The following RASSF8 variants were observed in gnomAD, a reference collection of about 807,000 sequenced individuals.
RASSF8 encodes the protein ras association domain-containing protein 8.
Under a neutral mutation model 48.5 loss-of-function variants are expected in RASSF8, and 22 were observed. That is an observed-to-expected ratio of 0.45 (90% CI 0.32 to 0.65). The LOEUF is 0.65. Among genes scored for constraint, RASSF8 ranks in the 30% least tolerant of loss-of-function variants. The pLI, the probability that RASSF8 is intolerant of heterozygous loss-of-function variation, is 0.03. For synonymous variants in RASSF8, 127 were observed against 171.5 expected (o/e 0.74, Z 2.03); for missense variants, 418 against 489.2 (o/e 0.85, Z 1.37).
chr12:26,017,368 A>G lies in RASSF8; in HGVS notation c.-109+22238A>G, dbSNP rs573404721. On this transcript the variant is annotated intron_variant, in intron 2 of 5. Coordinates refer to ENST00000689635, the MANE Select transcript of RASSF8 (RefSeq NM_001394098.1). ...ACCAGGGATTGGAAGTTAGAGATTG[A>G]TAAGAGGTGAAGAGACTCTCAAGAA... Among the ~76,000 whole-genome samples the G allele has an allele frequency of 6.6e-5, 10 of 151,634 alleles. No individual in the cohort carries two copies. The East Asian group carries it at 1.9e-3, about 29-fold the overall frequency.
Position 26,072,170 on chromosome 12 carries a change from A to G in RASSF8, c.*3352A>G, listed in dbSNP as rs906768303. On this transcript the variant is annotated 3_prime_UTR_variant, in exon 6 of 6. Coordinates refer to ENST00000689635, the MANE Select transcript of RASSF8 (RefSeq NM_001394098.1). ...GATGCTGTGTTCACATCCCTCTCCT[A>G]CCTAAAGTTGTCTTTATTGGTTTAT... The G allele has an allele frequency of 1.0e-6, 1 of 978,854 alleles. No homozygotes were observed. Among genetic ancestry groups the G allele is most frequent in the Non-Finnish European group, 1.2e-6 (1 of 824,110 alleles). The allele number at this position is 978,854 out of a possible 1,614,324, so 60.6% of individuals were successfully genotyped here. A position where few individuals can be genotyped will look rare whatever the true frequency, so the allele number is the denominator to read the frequency against.
At chr12:25,987,969 A>G (rs1941926005) in intron 1 of RASSF8, among the ~76,000 whole-genome samples, 1 of 151,462 alleles carries the variant, frequency 6.6e-6, no homozygotes, top group African/African-American at 2.4e-5. Context: ...CTCCTGCCTC[A>G]GCCTCCTGAG....
At chr12:25,998,349 C>CTTTT (rs34094399) in intron 2 of RASSF8, among the ~76,000 whole-genome samples, 1 of 131,060 alleles carries the variant, frequency 7.6e-6, no homozygotes, top group Non-Finnish European at 1.6e-5. Flanking sequence ...GAAGACAAAG[C>CTTTT]TTTTTTTTTT....
chr12:25,960,746 G>C (rs2136809048), intron 1 of RASSF8, among the ~76,000 whole-genome samples: 1 of 152,216 alleles, frequency 6.6e-6, no homozygotes, highest in South Asian at 2.1e-4. Flanking sequence ...GTTCTTTCTA[G>C]GTTTATTGAT....
chr12:26,022,864 C>G (rs1942820329), intron 2 of RASSF8, among the ~76,000 whole-genome samples: 1 of 152,100 alleles, frequency 6.6e-6, no homozygotes, highest in Non-Finnish European at 1.5e-5. Context: ...GCCTCAGCCT[C>G]CCGAGTAGCT....
At chr12:26,013,959 G>C (rs1942586572) in intron 2 of RASSF8, among the ~76,000 whole-genome samples, 1 of 152,204 alleles carries the variant, frequency 6.6e-6, no homozygotes, top group Non-Finnish European at 1.5e-5. Context: ...AACCCCATCT[G>C]AGTAAATGGC....
intron 2 of RASSF8, among the ~76,000 whole-genome samples, chr12:26,036,773 A>T (rs968531993): frequency 2.0e-5 from 3 of 152,048 alleles, no homozygotes; most frequent in Non-Finnish European, 4.4e-5. Context: ...AAAAATAAAA[A>T]ATTAGCCAGG....
At chr12:26,062,139 T>C (rs1943757936) in intron 3 of RASSF8, among the ~76,000 whole-genome samples, 1 of 152,228 alleles carries the variant, frequency 6.6e-6, no homozygotes, top group Non-Finnish European at 1.5e-5. Flanking sequence ...ACCCCTCCTG[T>C]TACCGAAGGA....
chr12:25,979,195 C>CTGG (rs1941680261), intron 1 of RASSF8, among the ~76,000 whole-genome samples: 1 of 152,016 alleles, frequency 6.6e-6, no homozygotes, highest in African/African-American at 2.4e-5. Flanking sequence ...TGAAGACCAA[C>CTGG]TAGTAGATAA....
At chr12:26,066,373 C>CT (rs1359924371) in intron 4 of RASSF8, among the ~76,000 whole-genome samples, 1 of 152,140 alleles carries the variant, frequency 6.6e-6, no homozygotes, top group Non-Finnish European at 1.5e-5. Flanking sequence ...AGAAGAGCTG[C>CT]TTTAGAACAT....
rs1363308992 is a variant in RASSF8 at position 26,067,567 on chromosome 12, A to G, written c.994-2A>G. ...TTTAAAAAAATAATAATTTCCATCT[A>G]GGACAAAGAACAGGAACTGGAGCAG... On this transcript the variant is annotated splice_acceptor_variant, in intron 4 of 5. Transcript: ENST00000689635. LOFTEE classifies it high-confidence loss of function. 6.2e-7 allele frequency: 1 copy of G among 1,611,168 alleles called. No homozygotes were observed. Among genetic ancestry groups the G allele is most frequent in the African/African-American group, 1.3e-5 (1 of 74,682 alleles).
At chr12:25,960,557 A>G (rs1384589431) in intron 1 of RASSF8, among the ~76,000 whole-genome samples, 2 of 152,224 alleles carry the variant, frequency 1.3e-5, no homozygotes, top group South Asian at 4.1e-4. Flanking sequence ...ACCATCCCCC[A>G]CTTGAAGAAG....
At position 26,064,715 on chromosome 12, in the gene RASSF8, C is replaced by T. The variant is rs201338342; in HGVS notation, c.321C>T (p.Pro107=). ...GAACTTTATACAGGCAGAGTCTGCC[C>T]CCCTTAGCTAAACTGAGGCCTCAGA... is the stretch of plus-strand genomic sequence containing the variant. ...PERTLYRQSL[P]PLAKLRPQID... The change falls in exon 4 of 6, where the codon CCC becomes CCT. Residue 107 remains proline (P), a synonymous_variant. Transcript: ENST00000689635. The T allele has an allele frequency of 1.5e-5, 24 of 1,613,968 alleles. No individual in the cohort carries two copies. The highest frequency in any genetic ancestry group is 1.8e-5 in the Non-Finnish European group (21 of 1,180,028).
chr12:26,077,810 C>G (rs1390898671), downstream of RASSF8, among the ~76,000 whole-genome samples: 1 of 152,112 alleles, frequency 6.6e-6, no homozygotes, highest in Non-Finnish European at 1.5e-5. Context: ...CATTAAAATC[C>G]AGTTTTTCAC....
intron 2 of RASSF8, among the ~76,000 whole-genome samples, chr12:26,043,597 G>A (rs1451516987): frequency 6.6e-6 from 1 of 152,222 alleles, no homozygotes; most frequent in Non-Finnish European, 1.5e-5. Flanking sequence ...GGCAATTGCA[G>A]CATGCAGCAG....
At chr12:25,979,955 A>AG (rs1454808721) in intron 1 of RASSF8, among the ~76,000 whole-genome samples, 1 of 152,206 alleles carries the variant, frequency 6.6e-6, no homozygotes, top group South Asian at 2.1e-4. Flanking sequence ...TGGAAGAGGA[A>AG]GGGAGGCATC....
chr12:26,060,133 G>GT (rs1223197172), intron 3 of RASSF8, among the ~76,000 whole-genome samples: 1 of 152,090 alleles, frequency 6.6e-6, no homozygotes, highest in Non-Finnish European at 1.5e-5. Flanking sequence ...TCCTGACCTC[G>GT]TGATCTGCCC....
chr12:26,051,336 G>T lies in RASSF8; in HGVS notation c.-108-3900G>T, dbSNP rs117382644. ...AATCACTGGGCATGTGTGAATGCTGGCACCTGAAGGTAATGAATAGTAGAA... is the reference window on the plus strand; with the variant it reads ...AATCACTGGGCATGTGTGAATGCTGTCACCTGAAGGTAATGAATAGTAGAA... On this transcript the variant is annotated intron_variant, in intron 2 of 5. Coordinates refer to ENST00000689635, the MANE Select transcript of RASSF8 (RefSeq NM_001394098.1). Among the ~76,000 whole-genome samples the T allele has an allele frequency of 5.8e-3, 883 of 152,276 alleles. 5 individuals carry two copies. Among genetic ancestry groups the T allele is most frequent in the Non-Finnish European group, 9.2e-3 (626 of 68,002 alleles).
At position 26,065,222 on chromosome 12, in the gene RASSF8, A is replaced by G; in HGVS notation, c.828A>G (p.Lys276=). ...TGGAAAGTGGTCTTGAAGCAGAAAAATTGCAACGGGAAGTTCAAGAGGCAC... is the reference window on the plus strand; with the variant it reads ...TGGAAAGTGGTCTTGAAGCAGAAAAGTTGCAACGGGAAGTTCAAGAGGCAC... ...RTMESGLEAE[K]LQREVQEAQV... The change falls in exon 4 of 6, where the codon AAA becomes AAG. Residue 276 remains lysine, a synonymous_variant. Transcript: ENST00000689635. 1 of 1,614,200 alleles carries G rather than the reference A, an allele frequency of 6.2e-7. No individual in the cohort carries two copies. Among genetic ancestry groups the G allele is most frequent in the Non-Finnish European group, 8.5e-7 (1 of 1,180,032 alleles).
Sources: allele counts gnomAD v4.1 joint callset (sites outside exome capture counted in the v4.1 genomes callset), GRCh38; gene constraint gnomAD v4.1.1; transcripts MANE v1.5; gene names NCBI Gene and HGNC (gene_info 2026-07-23, HGNC 2026-07-21).